RASIP1: variants seen among roughly 807,000 people sequenced by gnomAD.
RASIP1 encodes ras-interacting protein 1.
RASIP1 carries 20 observed loss-of-function variants against 85.3 expected under a neutral mutation model. That is an observed-to-expected ratio of 0.23 (90% CI 0.17 to 0.34). The LOEUF (loss-of-function observed/expected upper bound fraction) is 0.34. Ranked by LOEUF, RASIP1 falls within the 10% of genes least tolerant of loss-of-function variation. The pLI, the probability that RASIP1 is intolerant of heterozygous loss-of-function variation, is 1.00. For synonymous variants in RASIP1, 617 were observed against 647.1 expected, an observed-to-expected ratio of 0.95 and a Z score of 0.71; for missense variants, 1,170 against 1,390.9, an observed-to-expected ratio of 0.84 and a Z score of 2.53.
rs2033620082 is a variant in RASIP1, at chr19:48,738,905, G to T, written c.823+55C>A. 3.7e-6 allele frequency: 1 copy of T among 269,938 alleles called. No homozygotes were observed. The highest frequency in any genetic ancestry group is 2.2e-4 in the Admixed American group (1 of 4,544). 16.7% of individuals were successfully genotyped at this position (269,938 alleles called of 1,614,324 possible). A position where few individuals can be genotyped will look rare whatever the true frequency, so the allele number is the denominator to read the frequency against. ...AAGCCCCGCCCAGGCCCCGCCCCACGGACCCCGCCTCTCTGGCACCGAGTC... is the reference window on the plus strand; with the variant it reads ...AAGCCCCGCCCAGGCCCCGCCCCACTGACCCCGCCTCTCTGGCACCGAGTC... On this transcript the variant is annotated intron_variant, in intron 3 of 11. Coordinates refer to ENST00000222145, the MANE Select transcript of RASIP1 (RefSeq NM_017805.3). The surrounding 1 kb of genome is among the most constrained non-coding windows in gnomAD (Gnocchi z 4.0).
At chr19:48,726,733 T>TGAAACAG in intron 8 of RASIP1, 52 bp downstream of exon 8, 1 of 1,382,444 alleles carries the variant, frequency 7.2e-7, no homozygotes, top group Non-Finnish European at 1.0e-6. Context: ...TGATATTACG[T>TGAAACAG]GAAACAGGAA....
At chr19:48,723,803 C>CT (rs34173404) in intron 10 of RASIP1, among the ~76,000 whole-genome samples, 45,095 of 126,976 alleles carry the variant, frequency 0.36, 10,219 homozygotes, top group Middle Eastern at 0.57. Flanking sequence ...ACCCTGGAAA[C>CT]TTTTTTTTTT....
intron 8 of RASIP1, 44 bp downstream of exon 8, chr19:48,726,741 G>T: frequency 7.0e-7 from 1 of 1,426,148 alleles, no homozygotes; most frequent in Non-Finnish European, 9.7e-7. Context: ...CGTGAAACAG[G>T]AAGTGATGCT....
Position 48,740,357 on chromosome 19 carries a change from TC to T in RASIP1, c.-4-72del. ...GGGATGGGGTGGAGGGAACCTGGAC[TC>T]CGAGTCAGAGGGAGGAGGGGGCTGG... is the stretch of plus-strand genomic sequence containing the variant. On this transcript the variant is annotated intron_variant, in intron 1 of 11. Coordinates refer to ENST00000222145, the MANE Select transcript of RASIP1 (RefSeq NM_017805.3). This position sits in a 1 kb window ranked among gnomAD's most constrained non-coding sequence, Gnocchi z 5.5. 1 of 1,501,258 alleles carries T rather than the reference TC, an allele frequency of 6.7e-7. No individual in the cohort carries two copies. Among genetic ancestry groups the T allele is most frequent in the Non-Finnish European group, 8.9e-7 (1 of 1,121,622 alleles). 93.0% of individuals were successfully genotyped at this position (1,501,258 alleles called of 1,614,324 possible).
Position 48,739,416 on chromosome 19 carries a change from T to G in RASIP1, c.367A>C (p.Lys123Gln). 7.2e-7 allele frequency: 1 copy of G among 1,390,972 alleles called. No homozygotes were observed. Among genetic ancestry groups the G allele is most frequent in the Non-Finnish European group, 9.3e-7 (1 of 1,077,234 alleles). 86.2% of individuals were successfully genotyped at this position (1,390,972 alleles called of 1,614,324 possible). The change falls in exon 3 of 12, where the codon AAG (lysine) becomes CAG (glutamine). Residue 123 changes from lysine (K) to glutamine (Q), a missense_variant. Transcript: ENST00000222145. This position sits in a 1 kb window ranked among gnomAD's most constrained non-coding sequence, Gnocchi z 9.2. The part of the protein sequence containing the change: ...GGAQRWASEK[K>Q]LPELAAGVAP... The stretch of plus-strand genomic sequence containing the variant: ...ACGCCCGCCGCCAGCTCCGGCAGCT[T>G]CTTCTCGCTGGCCCAGCGCTGCGCG...
intron 4 of RASIP1, among the ~76,000 whole-genome samples, chr19:48,734,390 G>A (rs1402496757): frequency 6.6e-6 from 1 of 151,814 alleles, no homozygotes; most frequent in Non-Finnish European, 1.5e-5. Flanking sequence ...CATAGCTCAC[G>A]GAAGCCTCGA....
intron 4 of RASIP1, among the ~76,000 whole-genome samples, chr19:48,730,558 A>G (rs1377915757): frequency 6.6e-6 from 1 of 151,880 alleles, no homozygotes; most frequent in Non-Finnish European, 1.5e-5. Context: ...CTGTGCAACT[A>G]CCCTCACCCT....
chr19:48,728,824 A>G, intron 5 of RASIP1, 113 bp downstream of exon 5: 1 of 1,158,062 alleles, frequency 8.6e-7, no homozygotes, highest in Non-Finnish European at 1.1e-6. Flanking sequence ...CCGAGGCGTC[A>G]TGGGAACAGT....
intron 3 of RASIP1, 141 bp from the exon 4 acceptor site, chr19:48,735,692 T>C: frequency 2.4e-6 from 2 of 820,668 alleles, no homozygotes; most frequent in Non-Finnish European, 3.7e-6. Context: ...GCATATTCTG[T>C]TCCCTGTGCG....
At chr19:48,729,701 T>A (rs2033413634) in intron 4 of RASIP1, 111 bp from the exon 5 acceptor site, 2 of 671,100 alleles carry the variant, frequency 3.0e-6, no homozygotes, top group Non-Finnish European at 4.8e-6. Flanking sequence ...TTTTTTTTCC[T>A]TCTTCTTCTT....
At position 48,724,513 on chromosome 19, in the gene RASIP1, T is replaced by G; in HGVS notation, c.2372-4A>C. 4 of 1,613,246 alleles carry G rather than the reference T, an allele frequency of 2.5e-6. No individual in the cohort carries two copies. Among genetic ancestry groups the G allele is most frequent in the Non-Finnish European group, 3.4e-6 (4 of 1,179,468 alleles). On this transcript the variant is annotated splice_region_variant and splice_polypyrimidine_tract_variant and intron_variant, in intron 9 of 11. Coordinates refer to ENST00000222145, the MANE Select transcript of RASIP1 (RefSeq NM_017805.3). The surrounding 1 kb of genome is among the most constrained non-coding windows in gnomAD (Gnocchi z 4.6). ...TGATAGAAAGGCCGGCCTTGACCTGTGGGTGTTAAAGGTATGAGAGGCAGT... is the reference window on the plus strand; with the variant it reads ...TGATAGAAAGGCCGGCCTTGACCTGGGGGTGTTAAAGGTATGAGAGGCAGT...
At position 48,726,766 on chromosome 19, in the gene RASIP1, G is replaced by GT. The variant is rs1330057003; in HGVS notation, c.2127+18dup. 6.4e-7 allele frequency: 1 copy of GT among 1,564,362 alleles called. No individual in the cohort carries two copies. Among genetic ancestry groups the GT allele is most frequent in the Non-Finnish European group, 8.7e-7 (1 of 1,149,202 alleles). ...GAAGTGATGCTATGTCAAACAGGAAGTAAGAGGCAAGGGCCAACCTTGGTG... is the reference window on the plus strand; with the variant it reads ...GAAGTGATGCTATGTCAAACAGGAAGTTAAGAGGCAAGGGCCAACCTTGGTG... On this transcript the variant is annotated intron_variant, in intron 8 of 11. Coordinates refer to ENST00000222145, the MANE Select transcript of RASIP1 (RefSeq NM_017805.3).
Position 48,720,760 on chromosome 19 carries a change from G to T in RASIP1, c.*38C>A. On this transcript the variant is annotated 3_prime_UTR_variant, in exon 12 of 12. Transcript: ENST00000222145. Reference sequence around the variant, plus strand: ...CGGGCTCCTGTCCGTAGAAGCCCGTGACATTTCAAGGTTCGCGCGCTCGTT... The same window carrying T: ...CGGGCTCCTGTCCGTAGAAGCCCGTTACATTTCAAGGTTCGCGCGCTCGTT... 1.2e-6 allele frequency: 2 copies of T among 1,600,794 alleles called. No homozygotes were observed. The highest frequency in any genetic ancestry group is 2.2e-5 in the South Asian group (2 of 90,710).
At position 48,739,387 on chromosome 19, in the gene RASIP1, G is replaced by T; in HGVS notation, c.396C>A (p.Ala132=). The T allele has an allele frequency of 7.4e-7, 1 of 1,345,928 alleles. No individual in the cohort carries two copies. Among genetic ancestry groups the T allele is most frequent in the Non-Finnish European group, 9.5e-7 (1 of 1,054,224 alleles). The allele number at this position is 1,345,928 out of a possible 1,614,324, so 83.4% of individuals were successfully genotyped here. ...CGCGGGTAGCCAGCGGGGGCTCGGGGGCCACGCCCGCCGCCAGCTCCGGCA... is the reference window on the plus strand; with the variant it reads ...CGCGGGTAGCCAGCGGGGGCTCGGGTGCCACGCCCGCCGCCAGCTCCGGCA... ...KKLPELAAGV[A]PEPPLATRAT... is the part of the protein sequence containing the mutation. Residue 132 remains alanine (A), a synonymous_variant, in exon 3 of 12, where the codon GCC becomes GCA. Transcript: ENST00000222145. This position sits in a 1 kb window ranked among gnomAD's most constrained non-coding sequence, Gnocchi z 9.2.
chr19:48,734,182 C>G (rs1490837320), intron 4 of RASIP1, among the ~76,000 whole-genome samples: 1 of 151,822 alleles, frequency 6.6e-6, no homozygotes, highest in Admixed American at 6.6e-5. Context: ...GTAGTCCCAG[C>G]TACTCGGGAG....
At position 48,735,336 on chromosome 19, in the gene RASIP1, G is replaced by C; in HGVS notation, c.1039C>G (p.Leu347Val). The change falls in exon 4 of 12, where the codon CTT (leucine) becomes GTT (valine). Residue 347 changes from leucine (L) to valine (V), a missense_variant. Leu to Val is a conservative substitution (Grantham distance 32). Coordinates refer to ENST00000222145, the MANE Select transcript of RASIP1 (RefSeq NM_017805.3). The part of the protein sequence containing the change: ...RRQQERRQQA[L>V]SMAPGAADAQ... Reference sequence around the variant, plus strand: ...TCGGCTGCCCCTGGGGCCATGCTAAGTGCCTGCTGTCTCCGCTCCTGCTGC... The same window carrying C: ...TCGGCTGCCCCTGGGGCCATGCTAACTGCCTGCTGTCTCCGCTCCTGCTGC... 24 of 1,613,642 alleles carry C rather than the reference G, an allele frequency of 1.5e-5. No individual in the cohort carries two copies. Among genetic ancestry groups the C allele is most frequent in the Non-Finnish European group, 1.9e-5 (23 of 1,179,896 alleles).
At chr19:48,725,028 G>A (rs1484852032) in intron 8 of RASIP1, 68 bp from the exon 9 acceptor site, 5 of 1,549,146 alleles carry the variant, frequency 3.2e-6, no homozygotes, top group Non-Finnish European at 3.5e-6. Flanking sequence ...GGGTAATAGA[G>A]CATGAAGATA....
rs566018409 is a variant in RASIP1, at chr19:48,723,416, C to T, written c.2544+921G>A. ...CTCTACCAAAATTACAAAAATTAGCCGGGTGTGGTGGCGCGTGCCTGTTAT... is the reference window on the plus strand; with the variant it reads ...CTCTACCAAAATTACAAAAATTAGCTGGGTGTGGTGGCGCGTGCCTGTTAT... On this transcript the variant is annotated intron_variant, in intron 10 of 11. Coordinates refer to ENST00000222145, the MANE Select transcript of RASIP1 (RefSeq NM_017805.3). 8.6e-5 allele frequency among the ~76,000 whole-genome samples: 13 copies of T among 151,994 alleles called. No homozygotes were observed. The South Asian group carries it at 1.0e-3, about 12-fold the overall frequency.
At position 48,736,883 on chromosome 19, in the gene RASIP1, A is replaced by G. The variant is rs146673427; in HGVS notation, c.824-1332T>C. 5.0e-3 allele frequency among the ~76,000 whole-genome samples: 759 copies of G among 152,238 alleles called. 5 individuals are homozygous for G. The highest frequency in any genetic ancestry group is 0.017 in the African/African-American group (723 of 41,540). On this transcript the variant is annotated intron_variant, in intron 3 of 11. Coordinates refer to ENST00000222145, the MANE Select transcript of RASIP1 (RefSeq NM_017805.3). ...AACCCCCATCTCTACTCAAAATACA[A>G]AAAATCAGCCAGGCGTGGTAGTGGG...
Sources: gnomAD v4.1 joint callset for allele counts (sites outside exome capture counted in the v4.1 genomes callset) on GRCh38, gnomAD v4.1.1 for gene constraint, Gnocchi (gnomAD v3.1) non-coding constraint, MANE v1.5 for transcripts, NCBI Gene and HGNC (gene_info 2026-07-23, HGNC 2026-07-21) for gene names.